The following TSKU variants were observed in gnomAD, a reference collection of about 807,000 sequenced individuals.
TSKU encodes the protein tsukushi.
In TSKU, 4 loss-of-function variants were observed where a neutral mutation model predicts 11.2. That is an observed-to-expected ratio of 0.36 (90% CI 0.18 to 0.82). TSKU has a LOEUF of 0.82. TSKU is among the 40% of genes least tolerant of loss of function. The pLI is 0.50. For synonymous variants in TSKU, 220 were observed against 232.2 expected (o/e 0.95, Z 0.48); for missense variants, 407 against 482.5 (o/e 0.84, Z 1.47).
At chr11:76,795,194 G>A (rs998209344) in intron 1 of TSKU, among the ~76,000 whole-genome samples, 4 of 152,180 alleles carry the variant, frequency 2.6e-5, no homozygotes, top group Admixed American at 2.6e-4. Flanking sequence ...CCAAACCAGG[G>A]ACTCTGGACC....
chr11:76,784,140 T>TC (rs957101363), intron 1 of TSKU: 4 of 152,378 alleles, frequency 2.6e-5, no homozygotes, highest in African/African-American at 9.7e-5. Flanking sequence ...GCGTGCGGAC[T>TC]CCCCCTCAGA....
upstream of TSKU, chr11:76,782,625 A>C (rs1944247570): frequency 6.6e-6 from 1 of 150,752 alleles, no homozygotes. Flanking sequence ...GGGGGAATAG[A>C]CTGAAACTGC....
In TSKU at chr11:76,796,384, G is replaced by A; in HGVS notation, c.768G>A (p.Leu256=). ...GTGGCTTCCGTGAGCTACCGGGCCT[G>A]CAGGTCCTGGACCTGTCGGGCAACC... is the stretch of plus-strand genomic sequence containing the variant. ...APSGFRELPG[L]QVLDLSGNPK... The change falls in exon 2 of 2, where the codon CTG becomes CTA. Residue 256 remains leucine (L), a synonymous_variant. Transcript: ENST00000333090. The surrounding 1 kb of genome is among the most constrained non-coding windows in gnomAD (Gnocchi z 4.1). 2 of 1,613,430 alleles carry A rather than the reference G, an allele frequency of 1.2e-6. No individual in the cohort carries two copies. Among genetic ancestry groups the A allele is most frequent in the Non-Finnish European group, 1.7e-6 (2 of 1,179,970 alleles).
chr11:76,795,040 G>C (rs1944421874), intron 1 of TSKU, among the ~76,000 whole-genome samples: 1 of 152,242 alleles, frequency 6.6e-6, no homozygotes, highest in Admixed American at 6.5e-5. Context: ...GAAGGTGGTT[G>C]TGAGGGTCAG....
rs1370301504 is a variant in TSKU, at chr11:76,791,159, C to T, written c.-8-4450C>T. On this transcript the variant is annotated intron_variant, in intron 1 of 1. Coordinates refer to ENST00000333090, the MANE Select transcript of TSKU (RefSeq NM_015516.4). Reference sequence around the variant, plus strand: ...GAGAGCAATGATTTAGGGTATCTGGCAGAAGAAATTTCTAAGCAGGAAAGC... The same window carrying T: ...GAGAGCAATGATTTAGGGTATCTGGTAGAAGAAATTTCTAAGCAGGAAAGC... 2.0e-5 allele frequency among the ~76,000 whole-genome samples: 3 copies of T among 152,112 alleles called. No homozygotes were observed. The East Asian group carries it at 5.8e-4, about 29-fold the overall frequency.
upstream of TSKU, chr11:76,782,573 T>A (rs1266963569): frequency 2.6e-5 from 4 of 151,870 alleles, no homozygotes; most frequent in East Asian, 5.8e-4. Flanking sequence ...CTTTTTTTTT[T>A]TTTTTAACAT....
Position 76,797,263 on chromosome 11 carries a change from C to T in TSKU, c.*585C>T, listed in dbSNP as rs987710686. 6.0e-6 allele frequency: 1 copy of T among 167,156 alleles called. No homozygotes were observed. The highest frequency in any genetic ancestry group is 1.5e-5 in the Non-Finnish European group (1 of 68,146). 10.4% of individuals were successfully genotyped at this position (167,156 alleles called of 1,614,324 possible). ...ACTGAGGCCTTGAGAAGGAAAAAGG[C>T]TAATCTAAGTTCCTGCGGGCAGTGG... On this transcript the variant is annotated 3_prime_UTR_variant, in exon 2 of 2. Transcript: ENST00000333090.
chr11:76,782,406 C>T (rs1165640918), upstream of TSKU: 2 of 151,952 alleles, frequency 1.3e-5, no homozygotes, highest in African/African-American at 2.4e-5. Context: ...TATCAACTCT[C>T]CCACCTGTGA....
chr11:76,784,439 C>G (rs1028828001), intron 1 of TSKU: 17 of 152,382 alleles, frequency 1.1e-4, no homozygotes, highest in African/African-American at 4.1e-4. Context: ...CGGAGCTGGG[C>G]TGGGGGCCGT....
chr11:76,795,882 T>C lies in TSKU; in HGVS notation c.266T>C (p.Leu89Pro). ...AGPGYTTLAG[L>P]DLSHNLLTSI... ...CCGGGCTACACGACGTTGGCTGGCC[T>C]GGATCTCAGCCACAACCTGCTCACC... Residue 89 changes from leucine to proline, a missense_variant, in exon 2 of 2, where the codon CTG (leucine) becomes CCG (proline). Leu to Pro is a moderately conservative substitution (Grantham distance 98, BLOSUM62 -3). Coordinates refer to ENST00000333090, the MANE Select transcript of TSKU (RefSeq NM_015516.4). 1 of 1,613,866 alleles carries C rather than the reference T, an allele frequency of 6.2e-7. No homozygotes were observed. Among genetic ancestry groups the C allele is most frequent in the South Asian group, 1.1e-5 (1 of 91,088 alleles).
At chr11:76,786,988 A>G (rs1457517492) in intron 1 of TSKU, among the ~76,000 whole-genome samples, 1 of 152,188 alleles carries the variant, frequency 6.6e-6, no homozygotes, top group East Asian at 1.9e-4. Flanking sequence ...CTGGTCCCTG[A>G]AATCACTCAC....
chr11:76,795,130 C>T (rs1590820575), intron 1 of TSKU, among the ~76,000 whole-genome samples: 1 of 152,228 alleles, frequency 6.6e-6, no homozygotes, highest in Non-Finnish European at 1.5e-5. Flanking sequence ...ACCCTGGGCA[C>T]ACCCTACCCT....
At chr11:76,784,747 G>C (rs892425284) in intron 1 of TSKU, among the ~76,000 whole-genome samples, 86 of 82,306 alleles carry the variant, frequency 1.0e-3, no homozygotes, top group African/African-American at 3.5e-3. Context: ...GACCGGAGGT[G>C]GGGGGGGGGG....
At position 76,796,501 on chromosome 11, in the gene TSKU, T is replaced by G; in HGVS notation, c.885T>G (p.Pro295=). The change falls in exon 2 of 2, where the codon CCT becomes CCG. Residue 295 remains proline (P), a synonymous_variant. Transcript: ENST00000333090. The surrounding 1 kb of genome is among the most constrained non-coding windows in gnomAD (Gnocchi z 4.1). ...DLSGTNLVPL[P]EALLLHLPAL... is the part of the protein sequence containing the mutation. ...CGGGCACCAACCTGGTGCCCCTGCC[T>G]GAGGCGCTGCTCCTCCACCTCCCGG... The G allele has an allele frequency of 6.2e-7, 1 of 1,612,386 alleles. No homozygotes were observed.
chr11:76,798,023 A>C lies in TSKU; in HGVS notation c.*1345A>C, dbSNP rs2134411272. 6.0e-6 allele frequency: 1 copy of C among 167,372 alleles called. No homozygotes were observed. The highest frequency in any genetic ancestry group is 2.4e-5 in the African/African-American group (1 of 41,584). 10.4% of individuals were successfully genotyped at this position (167,372 alleles called of 1,614,324 possible). ...TGGGGGAAGCTGGGCATCAGTGGCC[A>C]CATGGGCATCAGGGGCTGGCCCCAC... On this transcript the variant is annotated 3_prime_UTR_variant, in exon 2 of 2. Coordinates refer to ENST00000333090, the MANE Select transcript of TSKU (RefSeq NM_015516.4).
chr11:76,785,772 G>C (rs188126371), intron 1 of TSKU, among the ~76,000 whole-genome samples: 1 of 152,258 alleles, frequency 6.6e-6, no homozygotes, highest in East Asian at 1.9e-4. Context: ...TATGAAACCC[G>C]TCTCTGGCTT....
rs1308783165 is a variant in TSKU at position 76,784,759 on chromosome 11, G to T, written c.-9+1355G>T. Among the ~76,000 whole-genome samples, 8 of 118,062 alleles carry T rather than the reference G, an allele frequency of 6.8e-5. No individual in the cohort carries two copies. In the South Asian group the frequency reaches 1.0e-3, roughly 15 times the overall value. 77.5% of individuals were successfully genotyped at this position (118,062 alleles called of 152,430 possible). A position where few individuals can be genotyped will look rare whatever the true frequency, so the allele number is the denominator to read the frequency against. ...GCTGACCGGAGGTGGGGGGGGGGGG[G>T]TGCTCAGAGCTGCAGGAGCCTGCTG... On this transcript the variant is annotated intron_variant, in intron 1 of 1. Coordinates refer to ENST00000333090, the MANE Select transcript of TSKU (RefSeq NM_015516.4).
intron 1 of TSKU, among the ~76,000 whole-genome samples, chr11:76,790,552 G>T (rs1338261465): frequency 1.3e-5 from 2 of 152,142 alleles, no homozygotes; most frequent in Non-Finnish European, 2.9e-5. Context: ...AACTTGAATT[G>T]TATCTCCCAG....
chr11:76,783,555 GT>G (rs1944266432), intron 1 of TSKU, among the ~76,000 whole-genome samples, 151 bp downstream of exon 1: 1 of 152,146 alleles, frequency 6.6e-6, no homozygotes, highest in African/African-American at 2.4e-5. Context: ...CTCAACTTTC[GT>G]CGGACGCCTA....
Sources: gnomAD v4.1 joint callset for allele counts (sites outside exome capture counted in the v4.1 genomes callset) on GRCh38, gnomAD v4.1.1 for gene constraint, Gnocchi (gnomAD v3.1) non-coding constraint, MANE v1.5 for transcripts, NCBI Gene and HGNC (gene_info 2026-07-23, HGNC 2026-07-21) for gene names.